The following APBA2 variants were observed in gnomAD, a reference collection of about 807,000 sequenced individuals.
The protein encoded by APBA2 is amyloid-beta A4 precursor protein-binding family A member 2.
APBA2 carries 30 observed loss-of-function variants against 75.0 expected under a neutral mutation model. The ratio of observed to expected loss-of-function variants is 0.40; its 90% CI spans 0.30 to 0.54. APBA2 has a LOEUF of 0.54. APBA2 is among the 20% of genes least tolerant of loss of function. The pLI is 0.49. For missense variants in APBA2, 801 were observed against 1,016.1 expected, an observed-to-expected ratio of 0.79 and a Z score of 2.88; for synonymous variants, 444 against 409.6, an observed-to-expected ratio of 1.08 and a Z score of -1.01.
chr15:29,052,508 C>T (rs1383624626), intron 3 of APBA2, among the ~76,000 whole-genome samples: 1 of 151,120 alleles, frequency 6.6e-6, no homozygotes, highest in Non-Finnish European at 1.5e-5. Flanking sequence ...GTCCTCTGTG[C>T]CACTTTCCTG....
chr15:28,912,524 C>T (rs2033478090), intron 1 of APBA2, among the ~76,000 whole-genome samples: 1 of 152,232 alleles, frequency 6.6e-6, no homozygotes, highest in South Asian at 2.1e-4. Context: ...TACTTATCTC[C>T]TGGAGCATCA....
intron 1 of APBA2, among the ~76,000 whole-genome samples, chr15:28,897,311 C>T (rs1302752732): frequency 1.3e-5 from 2 of 151,882 alleles, no homozygotes; most frequent in African/African-American, 4.8e-5. Flanking sequence ...ACCAGAATGG[C>T]TAACATCAAA....
intron 1 of APBA2, among the ~76,000 whole-genome samples, chr15:28,902,837 C>T (rs553071796): frequency 2.6e-5 from 4 of 152,226 alleles, no homozygotes; most frequent in Admixed American, 6.5e-5. Context: ...TCTCAGGACC[C>T]TCACCTTTGT....
intron 12 of APBA2, among the ~76,000 whole-genome samples, chr15:29,107,232 T>C (rs1033646342): frequency 2.0e-5 from 3 of 152,176 alleles, no homozygotes; most frequent in African/African-American, 7.2e-5. Flanking sequence ...CCTGCATGGG[T>C]TGGGTTCTGG....
intron 2 of APBA2, among the ~76,000 whole-genome samples, chr15:28,941,810 G>A (rs1018178716): frequency 2.4e-4 from 37 of 152,236 alleles, no homozygotes; most frequent in Admixed American, 1.8e-3. Context: ...AGGCTGGAGC[G>A]CAGTGGCGCG....
intron 3 of APBA2, among the ~76,000 whole-genome samples, chr15:29,013,560 C>A (rs567201187): frequency 1.3e-5 from 2 of 152,304 alleles, no homozygotes; most frequent in South Asian, 4.1e-4. Context: ...GGATTACAGG[C>A]GTGAGCCACC....
intron 14 of APBA2, among the ~76,000 whole-genome samples, 162 bp from the exon 15 acceptor site, chr15:29,116,900 A>G (rs112922417): frequency 4.6e-5 from 7 of 152,336 alleles, no homozygotes; most frequent in African/African-American, 1.7e-4. Context: ...GGAAGGCATC[A>G]TAAGTGTCCC....
At chr15:28,959,202 C>T (rs751080900) in intron 2 of APBA2, among the ~76,000 whole-genome samples, 28 of 152,238 alleles carry the variant, frequency 1.8e-4, no homozygotes, top group Non-Finnish European at 3.7e-4. Context: ...TTGGCCAGGA[C>T]GGTCTTGATC....
intron 3 of APBA2, among the ~76,000 whole-genome samples, chr15:29,011,225 T>G (rs2039388041): frequency 6.6e-6 from 1 of 152,238 alleles, no homozygotes; most frequent in African/African-American, 2.4e-5. Flanking sequence ...ACATTTTGTT[T>G]ATCCATCATC....
Position 29,114,013 on chromosome 15 carries a change from A to C in APBA2, c.2175A>C (p.Gly725=), listed in dbSNP as rs753190001. 6.2e-7 allele frequency: 1 copy of C among 1,613,580 alleles called. No individual in the cohort carries two copies. ...TCCAAGCTCTGTCCAACTCGGTCGGAGAGGTAAGGAGGGACTTTGAGTGTG... is the reference window on the plus strand; with the variant it reads ...TCCAAGCTCTGTCCAACTCGGTCGGCGAGGTAAGGAGGGACTTTGAGTGTG... The part of the protein sequence containing the change: ...KIVQALSNSV[G]EIHMKTMPAA... The change falls in exon 14 of 15, where the codon GGA becomes GGC. Residue 725 remains glycine (G), a synonymous_variant. Coordinates refer to ENST00000683413, the MANE Select transcript of APBA2 (RefSeq NM_001353788.2).
At chr15:29,115,777 C>A (rs912537022) in intron 14 of APBA2, among the ~76,000 whole-genome samples, 1 of 152,172 alleles carries the variant, frequency 6.6e-6, no homozygotes, top group African/African-American at 2.4e-5. Flanking sequence ...GCAGCGGAAA[C>A]CTACATCGGC....
chr15:28,905,631 T>A (rs1446117455), intron 1 of APBA2, among the ~76,000 whole-genome samples: 1 of 152,276 alleles, frequency 6.6e-6, no homozygotes, highest in East Asian at 1.9e-4. Flanking sequence ...GCTCAGGCAA[T>A]CCTCCCGCCT....
At chr15:29,048,740 C>G (rs761973590) in intron 3 of APBA2, among the ~76,000 whole-genome samples, 1 of 151,560 alleles carries the variant, frequency 6.6e-6, no homozygotes, top group Non-Finnish European at 1.5e-5. Flanking sequence ...TCGAGACCAT[C>G]CTGGCCAACA....
At chr15:29,014,901 T>C (rs1025695635) in intron 3 of APBA2, among the ~76,000 whole-genome samples, 2 of 152,118 alleles carry the variant, frequency 1.3e-5, no homozygotes, top group Admixed American at 1.3e-4. Flanking sequence ...AACATCTACA[T>C]GTGTTTTTTC....
intron 1 of APBA2, among the ~76,000 whole-genome samples, chr15:28,897,468 A>G (rs2032566411): frequency 1.3e-5 from 2 of 151,796 alleles, no homozygotes. Flanking sequence ...ATACAAAACA[A>G]TTAGGTGGGC....
At chr15:29,055,807 T>C (rs1374324056) in intron 4 of APBA2, among the ~76,000 whole-genome samples, 1 of 152,124 alleles carries the variant, frequency 6.6e-6, no homozygotes, top group Non-Finnish European at 1.5e-5. Flanking sequence ...TTTAATGTCT[T>C]GTATTCTCTC....
At chr15:29,010,480 G>A (rs768056595) in intron 3 of APBA2, among the ~76,000 whole-genome samples, 8 of 152,030 alleles carry the variant, frequency 5.3e-5, no homozygotes, top group Admixed American at 1.3e-4. Context: ...GGATAGTCTC[G>A]ATCTCCTGAC....
rs374194355 is a variant in APBA2, at chr15:29,052,462, A to T, written c.-40-1383A>T. ...AGAGCGAGACTCCATCTCAAAAAAA[A>T]AAAAAAGAAGTAGAACGTTAAGCAA... On this transcript the variant is annotated intron_variant, in intron 3 of 14. Coordinates refer to ENST00000683413, the MANE Select transcript of APBA2 (RefSeq NM_001353788.2). Among the ~76,000 whole-genome samples the T allele has an allele frequency of 2.1e-5, 3 of 146,136 alleles. No homozygotes were observed. The South Asian group carries it at 6.2e-4, about 30-fold the overall frequency.
chr15:28,918,903 A>G lies in APBA2; in HGVS notation c.-204-2737A>G, dbSNP rs1001736412. 5.3e-5 allele frequency among the ~76,000 whole-genome samples: 8 copies of G among 151,016 alleles called. No homozygotes were observed. Among genetic ancestry groups the G allele is most frequent in the Non-Finnish European group, 1.0e-4 (7 of 67,828 alleles). On this transcript the variant is annotated intron_variant, in intron 1 of 14. Coordinates refer to ENST00000683413, the MANE Select transcript of APBA2 (RefSeq NM_001353788.2). This position sits in a 1 kb window ranked among gnomAD's most constrained non-coding sequence, Gnocchi z 4.2. ...TAGACGGAGTCGCGCTCTGTCTCCC[A>G]GGCTGGAGTGCAGTGGCGCTATCTT...
Sources: gnomAD v4.1 joint callset for allele counts (sites outside exome capture counted in the v4.1 genomes callset) on GRCh38, gnomAD v4.1.1 for gene constraint, Gnocchi (gnomAD v3.1) non-coding constraint, MANE v1.5 for transcripts, NCBI Gene and HGNC (gene_info 2026-07-23, HGNC 2026-07-21) for gene names.